Variants in GABPA observed in about 807,000 individuals in gnomAD.
The protein encoded by GABPA is GA-binding protein alpha chain.
GABPA carries 4 observed loss-of-function variants against 59.4 expected under a neutral mutation model. The observed-to-expected ratio is 0.07, with a 90% CI of 0.03 to 0.15. The LOEUF (loss-of-function observed/expected upper bound fraction) is 0.15, where lower values mean the gene tolerates loss of function less well. Among genes scored for constraint, GABPA ranks in the 10% least tolerant of loss-of-function variants. The probability of loss-of-function intolerance (pLI) is 1.00; values close to 1 mark genes in which losing one functional copy is unlikely to be tolerated. For synonymous variants in GABPA, 164 were observed against 183.1 expected, an observed-to-expected ratio of 0.90 and a Z score of 0.84; for missense variants, 251 against 543.8, an observed-to-expected ratio of 0.46 and a Z score of 5.36.
At chr21:25,766,962 A>G (rs2035905521) in intron 9 of GABPA, among the ~76,000 whole-genome samples, 4 of 151,972 alleles carry the variant, frequency 2.6e-5, no homozygotes, top group Non-Finnish European at 5.9e-5. Flanking sequence ...TCCTGCTACA[A>G]ACAATGACCA....
At chr21:25,750,374 C>T (rs113386447) in intron 4 of GABPA, among the ~76,000 whole-genome samples, 24 of 152,184 alleles carry the variant, frequency 1.6e-4, no homozygotes, top group African/African-American at 5.6e-4. Context: ...CCTCTCTTAA[C>T]CCTTTTCCAA....
intron 1 of GABPA, among the ~76,000 whole-genome samples, chr21:25,736,708 C>G (rs2035076707): frequency 6.6e-6 from 1 of 152,122 alleles, no homozygotes; most frequent in Admixed American, 6.5e-5. Flanking sequence ...AAACTCCAAA[C>G]CTACAGAAGA....
chr21:25,738,305 C>T (rs1016791059), intron 1 of GABPA, among the ~76,000 whole-genome samples: 8 of 152,132 alleles, frequency 5.3e-5, no homozygotes, highest in African/African-American at 1.9e-4. Flanking sequence ...TGAATTTGGG[C>T]ATTTCTTTGT....
At chr21:25,767,648 T>A (rs546571797) in intron 9 of GABPA, among the ~76,000 whole-genome samples, 1 of 152,114 alleles carries the variant, frequency 6.6e-6, no homozygotes, top group Non-Finnish European at 1.5e-5. Context: ...CGTATAGTCT[T>A]ACATATTAAT....
chr21:25,741,508 ACTT>A (rs937023050), intron 1 of GABPA, 62 bp from the exon 2 acceptor site: 5 of 772,648 alleles, frequency 6.5e-6, no homozygotes, highest in African/African-American at 5.5e-5. Flanking sequence ...TTGGGTCTCT[ACTT>A]CTTGTGTGTC....
At chr21:25,758,540 C>G (rs2035691026) in intron 6 of GABPA, among the ~76,000 whole-genome samples, 1 of 152,122 alleles carries the variant, frequency 6.6e-6, no homozygotes, top group Non-Finnish European at 1.5e-5. Context: ...TACACTTAGC[C>G]CTCTTCATAT....
At chr21:25,750,241 G>A (rs1275212459) in intron 4 of GABPA, among the ~76,000 whole-genome samples, 1 of 152,156 alleles carries the variant, frequency 6.6e-6, no homozygotes. Context: ...AAGCTCAGGC[G>A]GTAATGTGAG....
chr21:25,762,988 CCTTT>C, intron 7 of GABPA: 1 of 383,638 alleles, frequency 2.6e-6, no homozygotes, highest in Non-Finnish European at 5.0e-6. Context: ...TGGCTTTTCC[CCTTT>C]CTTTTCTCTC....
At chr21:25,747,495 T>C (rs2035397424) in intron 3 of GABPA, among the ~76,000 whole-genome samples, 1 of 152,248 alleles carries the variant, frequency 6.6e-6, no homozygotes. Context: ...TTTGCATTAC[T>C]CCTTGTCCCC....
chr21:25,742,646 G>A (rs2035250412), intron 2 of GABPA, among the ~76,000 whole-genome samples: 1 of 152,044 alleles, frequency 6.6e-6, no homozygotes, highest in Admixed American at 6.6e-5. Flanking sequence ...AGATGCAGTG[G>A]CTCATGCCTG....
rs71651659 is a variant in GABPA, at chr21:25,768,564, A to G, written c.1137-440A>G. 8.5e-5 allele frequency among the ~76,000 whole-genome samples: 13 copies of G among 152,242 alleles called. No homozygotes were observed. In the East Asian group the frequency reaches 2.3e-3, roughly 27 times the overall value. ...TAATCCTCAACAATGATATGAGGGTATAAGCACTGTTAACCTCACTTTATA... is the reference window on the plus strand; with the variant it reads ...TAATCCTCAACAATGATATGAGGGTGTAAGCACTGTTAACCTCACTTTATA... On this transcript the variant is annotated intron_variant, in intron 9 of 9. Coordinates refer to ENST00000400075, the MANE Select transcript of GABPA (RefSeq NM_002040.4).
chr21:25,751,924 A>T (rs1324854854), intron 4 of GABPA, 65 bp from the exon 5 acceptor site: 1 of 1,539,866 alleles, frequency 6.5e-7, no homozygotes, highest in Non-Finnish European at 8.9e-7. Context: ...ATATAAACTA[A>T]ATTATTTTTT....
chr21:25,747,805 A>G (rs939745919), intron 3 of GABPA, among the ~76,000 whole-genome samples: 2 of 152,246 alleles, frequency 1.3e-5, no homozygotes, highest in Non-Finnish European at 2.9e-5. Flanking sequence ...AGTGTCCACC[A>G]GACAAGGAGA....
chr21:25,735,161 C>G lies in GABPA; in HGVS notation c.-444C>G, dbSNP rs1338916594. 11 of 636,736 alleles carry G rather than the reference C, an allele frequency of 1.7e-5. No homozygotes were observed. Among genetic ancestry groups the G allele is most frequent in the Non-Finnish European group, 3.1e-5 (11 of 351,130 alleles). 39.4% of individuals were successfully genotyped at this position (636,736 alleles called of 1,614,324 possible). A position where few individuals can be genotyped will look rare whatever the true frequency, so the allele number is the denominator to read the frequency against. ...TTTTTCCCCTCCTTGAAACCTTGCTCTGTACGCATGCGCTCTTTGAGTGGC... is the reference window on the plus strand; with the variant it reads ...TTTTTCCCCTCCTTGAAACCTTGCTGTGTACGCATGCGCTCTTTGAGTGGC... On this transcript the variant is annotated 5_prime_UTR_variant, in exon 1 of 10. Coordinates refer to ENST00000400075, the MANE Select transcript of GABPA (RefSeq NM_002040.4).
chr21:25,763,713 A>G (rs911215544), intron 7 of GABPA, among the ~76,000 whole-genome samples: 1 of 152,048 alleles, frequency 6.6e-6, no homozygotes, highest in African/African-American at 2.4e-5. Context: ...ATTCATTTTC[A>G]CTGCTGTATC....
At chr21:25,739,683 A>G (rs1345241334) in intron 1 of GABPA, among the ~76,000 whole-genome samples, 1 of 152,204 alleles carries the variant, frequency 6.6e-6, no homozygotes, top group African/African-American at 2.4e-5. Flanking sequence ...TGGCACGATC[A>G]TCATTGACTG....
intron 7 of GABPA, chr21:25,763,204 ACAT>A: frequency 1.9e-6 from 1 of 514,180 alleles, no homozygotes; most frequent in South Asian, 1.6e-5. Flanking sequence ...TGTCTCTTAA[ACAT>A]CTTTCATTAA....
At chr21:25,762,030 A>G (rs1057406933) in intron 6 of GABPA, among the ~76,000 whole-genome samples, 5 of 152,202 alleles carry the variant, frequency 3.3e-5, no homozygotes, top group African/African-American at 1.2e-4. Context: ...TTTCAATACA[A>G]ATGTTTACAT....
Position 25,742,954 on chromosome 21 carries a change from C to A in GABPA, c.77+1279C>A, listed in dbSNP as rs866530997. Among the ~76,000 whole-genome samples, 10 of 151,024 alleles carry A rather than the reference C, an allele frequency of 6.6e-5. No individual in the cohort carries two copies. The South Asian group carries it at 8.4e-4, about 13-fold the overall frequency. ...TCTCAAAAAAAAAAAAAAAGCCCAA[C>A]ATTTTTTATTGCTCATTGTTTCTCA... On this transcript the variant is annotated intron_variant, in intron 2 of 9. Coordinates refer to ENST00000400075, the MANE Select transcript of GABPA (RefSeq NM_002040.4).
Sources: allele counts gnomAD v4.1 joint callset (sites outside exome capture counted in the v4.1 genomes callset), GRCh38; gene constraint gnomAD v4.1.1; transcripts MANE v1.5; gene names NCBI Gene and HGNC (gene_info 2026-07-23, HGNC 2026-07-21).